Variants in AUTS2 observed in about 807,000 individuals in gnomAD.
The protein encoded by AUTS2 is autism susceptibility gene 2 protein.
AUTS2 carries 17 observed loss-of-function variants against 112.4 expected under a neutral mutation model. That is an observed-to-expected ratio of 0.15 (90% CI 0.10 to 0.23). AUTS2 has a LOEUF of 0.23. Ranked by LOEUF, AUTS2 falls within the 10% of genes least tolerant of loss-of-function variation. The pLI, the probability that AUTS2 is intolerant of heterozygous loss-of-function variation, is 1.00. For missense variants in AUTS2, 1,510 were observed against 1,701.6 expected, an observed-to-expected ratio of 0.89 and a Z score of 1.98; for synonymous variants, 751 against 702.7, an observed-to-expected ratio of 1.07 and a Z score of -1.09.
At chr7:70,221,113 G>T (rs56376205) in intron 4 of AUTS2, among the ~76,000 whole-genome samples, 12,191 of 152,134 alleles carry the variant, frequency 0.08, 627 homozygotes, top group African/African-American at 0.13. Flanking sequence ...TCACTATGTT[G>T]CCCAGAGTGG....
chr7:69,675,988 A>G (rs188460183), intron 1 of AUTS2, among the ~76,000 whole-genome samples: 3 of 152,292 alleles, frequency 2.0e-5, no homozygotes, highest in Non-Finnish European at 4.4e-5. Flanking sequence ...AGAAGGTATT[A>G]TATTGGTAAG....
intron 2 of AUTS2, among the ~76,000 whole-genome samples, chr7:70,031,388 A>G (rs1458423245): frequency 6.6e-6 from 1 of 152,130 alleles, no homozygotes; most frequent in Non-Finnish European, 1.5e-5. Context: ...TTAGCTGTTG[A>G]CCTTCCCTTT....
chr7:69,775,119 G>A (rs551217217), intron 1 of AUTS2, among the ~76,000 whole-genome samples: 1 of 152,236 alleles, frequency 6.6e-6, no homozygotes, highest in Non-Finnish European at 1.5e-5. Context: ...CTTAGAAGCT[G>A]TAAATTGTGA....
intron 5 of AUTS2, among the ~76,000 whole-genome samples, chr7:70,548,936 A>C (rs1425592369): frequency 2.1e-4 from 17 of 80,868 alleles, no homozygotes; most frequent in Non-Finnish European, 2.8e-4. Flanking sequence ...CCCCCCCCCA[A>C]AAAAAAAAAA....
chr7:69,888,318 G>A (rs1794364384), intron 1 of AUTS2, among the ~76,000 whole-genome samples: 1 of 151,666 alleles, frequency 6.6e-6, no homozygotes, highest in South Asian at 2.1e-4. Flanking sequence ...GGACGGCAAA[G>A]GGGAGTCAGT....
intron 1 of AUTS2, among the ~76,000 whole-genome samples, chr7:69,894,000 T>G (rs1348707751): frequency 2.0e-5 from 3 of 152,116 alleles, no homozygotes; most frequent in Non-Finnish European, 4.4e-5. Flanking sequence ...CCTTTGTCAG[T>G]CTCTGAGCCT....
intron 3 of AUTS2, among the ~76,000 whole-genome samples, chr7:70,123,058 G>A (rs1190633509): frequency 2.0e-5 from 3 of 151,716 alleles, no homozygotes; most frequent in Non-Finnish European, 4.4e-5. Flanking sequence ...CATATTTTTA[G>A]TAGAGATGGG....
intron 2 of AUTS2, among the ~76,000 whole-genome samples, chr7:69,939,993 T>G (rs1251008989): frequency 6.6e-6 from 1 of 152,238 alleles, no homozygotes; most frequent in Non-Finnish European, 1.5e-5. Context: ...AAGCATTCTT[T>G]CAGTGCTTAC....
At chr7:69,819,586 C>T (rs1790898121) in intron 1 of AUTS2, among the ~76,000 whole-genome samples, 1 of 152,154 alleles carries the variant, frequency 6.6e-6, no homozygotes, top group African/African-American at 2.4e-5. Context: ...ATGTTGTGCA[C>T]AGTGGATCAG....
At chr7:70,389,346 G>GA (rs952363894) in intron 4 of AUTS2, among the ~76,000 whole-genome samples, 5 of 151,788 alleles carry the variant, frequency 3.3e-5, no homozygotes, top group South Asian at 2.1e-4. Context: ...GCCCAATGGG[G>GA]AAAAAAAACA....
At chr7:69,648,195 C>A (rs773656056) in intron 1 of AUTS2, among the ~76,000 whole-genome samples, 2 of 152,076 alleles carry the variant, frequency 1.3e-5, no homozygotes, top group Non-Finnish European at 2.9e-5. Flanking sequence ...GATTCCTGAC[C>A]TATCTGTACA....
chr7:70,382,437 C>G (rs1793411136), intron 4 of AUTS2, among the ~76,000 whole-genome samples: 1 of 152,140 alleles, frequency 6.6e-6, no homozygotes, highest in African/African-American at 2.4e-5. Flanking sequence ...CACACACTCT[C>G]TCTTGCTTTT....
In AUTS2 at chr7:69,889,303, T is replaced by C. The variant is rs932263315; in HGVS notation, c.310-9983T>C. 2.0e-5 allele frequency among the ~76,000 whole-genome samples: 3 copies of C among 152,344 alleles called. No homozygotes were observed. The East Asian group carries it at 5.8e-4, about 29-fold the overall frequency. On this transcript the variant is annotated intron_variant, in intron 1 of 18. Coordinates refer to ENST00000342771, the MANE Select transcript of AUTS2 (RefSeq NM_015570.4). ...ATAGCCATTGTCCTTATGGAGGTAA[T>C]TCTGAGTATTACCAGGAAGATCCAG... is the stretch of plus-strand genomic sequence containing the variant.
intron 4 of AUTS2, chr7:70,290,639 T>A (rs1445775949): frequency 7.2e-7 from 1 of 1,393,598 alleles, no homozygotes; most frequent in East Asian, 3.1e-5. Context: ...TGTGTTTTAG[T>A]TTAACCTTCA....
chr7:70,110,748 A>T (rs1805031355), intron 2 of AUTS2, among the ~76,000 whole-genome samples: 1 of 152,112 alleles, frequency 6.6e-6, no homozygotes, highest in African/African-American at 2.4e-5. Flanking sequence ...CCAAAGTCCA[A>T]ACATATCCAA....
intron 2 of AUTS2, among the ~76,000 whole-genome samples, chr7:69,941,614 T>C (rs1186419025): frequency 6.6e-6 from 1 of 151,000 alleles, no homozygotes; most frequent in African/African-American, 2.4e-5. Flanking sequence ...GACAGGTGCC[T>C]GTGGAGTTTA....
intron 1 of AUTS2, among the ~76,000 whole-genome samples, chr7:69,646,358 T>C (rs1295202390): frequency 1.3e-5 from 2 of 152,192 alleles, no homozygotes; most frequent in Admixed American, 6.5e-5. Flanking sequence ...TGTGAAGATT[T>C]TAATGGGACT....
At chr7:69,721,059 A>G (rs1396088087) in intron 1 of AUTS2, among the ~76,000 whole-genome samples, 1 of 152,224 alleles carries the variant, frequency 6.6e-6, no homozygotes, top group African/African-American at 2.4e-5. Flanking sequence ...TCCAATTGTT[A>G]TGCTGGTCAG....
Position 70,302,906 on chromosome 7 carries a change from C to CT in AUTS2, c.661-132829dup, listed in dbSNP as rs61466921. On this transcript the variant is annotated intron_variant, in intron 4 of 18. Transcript: ENST00000342771. ...GGCATTCTTTTTCCTGAAAGATCTTCTTTTTTTTTTTTTTTTTGGCCATCA... is the reference window on the plus strand; with the variant it reads ...GGCATTCTTTTTCCTGAAAGATCTTCTTTTTTTTTTTTTTTTTTGGCCATCA... Among the ~76,000 whole-genome samples the CT allele has an allele frequency of 8.8e-3, 1,119 of 127,846 alleles. 5 individuals carry two copies. The highest frequency in any genetic ancestry group is 0.02 in the African/African-American group (685 of 34,652). 83.9% of individuals were successfully genotyped at this position (127,846 alleles called of 152,430 possible). A position where few individuals can be genotyped will look rare whatever the true frequency, so the allele number is the denominator to read the frequency against.
Sources: gnomAD v4.1 joint callset for allele counts (sites outside exome capture counted in the v4.1 genomes callset) on GRCh38, gnomAD v4.1.1 for gene constraint, MANE v1.5 for transcripts, NCBI Gene and HGNC (gene_info 2026-07-23, HGNC 2026-07-21) for gene names.